CNTNAP2: variants seen among roughly 807,000 people sequenced by gnomAD.
CNTNAP2 encodes contactin-associated protein-like 2.
In CNTNAP2, 98 loss-of-function variants were observed where a neutral mutation model predicts 155.2. The ratio of observed to expected loss-of-function variants is 0.63; its 90% CI spans 0.54 to 0.75. The LOEUF is 0.75. CNTNAP2 is among the 30% of genes least tolerant of loss of function. CNTNAP2 has a pLI of 0.00. For synonymous variants in CNTNAP2, 651 were observed against 631.2 expected, an observed-to-expected ratio of 1.03 and a Z score of -0.47; for missense variants, 1,727 against 1,688.1, an observed-to-expected ratio of 1.02 and a Z score of -0.40.
At chr7:146,739,074 A>G (rs1033481896) in intron 1 of CNTNAP2, among the ~76,000 whole-genome samples, 2 of 151,768 alleles carry the variant, frequency 1.3e-5, no homozygotes, top group African/African-American at 2.4e-5. Context: ...TATCTTTCTA[A>G]AAAAATCAAC....
At chr7:146,167,300 T>C (rs1798326378) in intron 1 of CNTNAP2, among the ~76,000 whole-genome samples, 1 of 152,168 alleles carries the variant, frequency 6.6e-6, no homozygotes, top group South Asian at 2.1e-4. Context: ...AGTGGACCCA[T>C]GTTAAGCTAT....
chr7:147,629,160 G>T (rs1167666527), intron 12 of CNTNAP2, among the ~76,000 whole-genome samples: 1 of 152,006 alleles, frequency 6.6e-6, no homozygotes, highest in Non-Finnish European at 1.5e-5. Context: ...CCAGCACTTT[G>T]GGAGGCTGAG....
At chr7:146,608,520 T>G (rs1799083468) in intron 1 of CNTNAP2, among the ~76,000 whole-genome samples, 1 of 152,190 alleles carries the variant, frequency 6.6e-6, no homozygotes, top group African/African-American at 2.4e-5. Flanking sequence ...CAAATTCCTT[T>G]GTATAAAGTA....
rs761138332 is a variant in CNTNAP2 at position 148,420,907 on chromosome 7, T to C, written c.*5291T>C. On this transcript the variant is annotated 3_prime_UTR_variant, in exon 24 of 24. Coordinates refer to ENST00000361727, the MANE Select transcript of CNTNAP2 (RefSeq NM_014141.6). ...AAGGAAATTATGTACGTATGCCTAA[T>C]ATTCTTTGTGAATGTCTTTCATTTA... The C allele has an allele frequency of 1.3e-5, 2 of 152,662 alleles. No individual in the cohort carries two copies. Among genetic ancestry groups the C allele is most frequent in the African/African-American group, 2.4e-5 (1 of 41,456 alleles). The allele number at this position is 152,662 out of a possible 1,614,324, so 9.5% of individuals were successfully genotyped here.
intron 21 of CNTNAP2, among the ~76,000 whole-genome samples, chr7:148,291,951 T>A (rs996559860): frequency 6.6e-6 from 1 of 152,162 alleles, no homozygotes; most frequent in Non-Finnish European, 1.5e-5. Flanking sequence ...TTAATTTCAT[T>A]TCATTCTGTT....
chr7:147,086,974 G>C (rs1392569119), intron 4 of CNTNAP2, among the ~76,000 whole-genome samples: 2 of 152,130 alleles, frequency 1.3e-5, no homozygotes, highest in Non-Finnish European at 2.9e-5. Context: ...TGCCTCTATT[G>C]TGCTTAGAGA....
chr7:147,088,711 A>T (rs1409333037), intron 4 of CNTNAP2, among the ~76,000 whole-genome samples: 2 of 152,178 alleles, frequency 1.3e-5, no homozygotes, highest in African/African-American at 2.4e-5. Flanking sequence ...TTGGAAGGCC[A>T]AGGCAGGAAA....
At chr7:146,699,776 T>C (rs569973880) in intron 1 of CNTNAP2, among the ~76,000 whole-genome samples, 78 of 152,104 alleles carry the variant, frequency 5.1e-4, no homozygotes, top group South Asian at 4.2e-3. Context: ...GAGACCAGCC[T>C]GGCCAACACA....
intron 14 of CNTNAP2, among the ~76,000 whole-genome samples, chr7:147,930,033 C>A (rs1800469069): frequency 6.6e-6 from 1 of 152,144 alleles, no homozygotes; most frequent in African/African-American, 2.4e-5. Context: ...GCCTCACCTC[C>A]TGCTGCATGG....
intron 18 of CNTNAP2, among the ~76,000 whole-genome samples, chr7:148,177,076 A>G (rs1794949886): frequency 6.6e-6 from 1 of 152,204 alleles, no homozygotes; most frequent in African/African-American, 2.4e-5. Flanking sequence ...TGTTTAAGCA[A>G]GAGAGAAAAT....
At chr7:147,437,610 G>A (rs1797572868) in intron 10 of CNTNAP2, among the ~76,000 whole-genome samples, 1 of 152,120 alleles carries the variant, frequency 6.6e-6, no homozygotes, top group Non-Finnish European at 1.5e-5. Flanking sequence ...TAGCTCTGTA[G>A]TATAATTTAA....
intron 21 of CNTNAP2, among the ~76,000 whole-genome samples, chr7:148,350,686 T>C (rs1182918120): frequency 6.6e-6 from 1 of 152,210 alleles, no homozygotes; most frequent in Admixed American, 6.5e-5. Flanking sequence ...ACAGATCGAG[T>C]TTATTTCTTG....
At chr7:146,534,249 G>C (rs1364825040) in intron 1 of CNTNAP2, among the ~76,000 whole-genome samples, 1 of 152,010 alleles carries the variant, frequency 6.6e-6, no homozygotes, top group Non-Finnish European at 1.5e-5. Context: ...TTTTTCTGTG[G>C]ATACTTTCTC....
intron 1 of CNTNAP2, among the ~76,000 whole-genome samples, chr7:146,490,856 G>T (rs934330421): frequency 2.6e-5 from 4 of 152,016 alleles, no homozygotes; most frequent in African/African-American, 4.8e-5. Context: ...ATCTATCATG[G>T]GAATGTAGTA....
At chr7:146,635,061 G>A (rs931179605) in intron 1 of CNTNAP2, among the ~76,000 whole-genome samples, 2 of 152,026 alleles carry the variant, frequency 1.3e-5, no homozygotes, top group African/African-American at 2.4e-5. Flanking sequence ...GGAAATCAGA[G>A]ATTTAATCTC....
chr7:146,401,936 G>C (rs759230390), intron 1 of CNTNAP2, among the ~76,000 whole-genome samples: 1 of 152,026 alleles, frequency 6.6e-6, no homozygotes, highest in South Asian at 2.1e-4. Flanking sequence ...TGGTATTTAA[G>C]AAATATATTT....
intron 1 of CNTNAP2, among the ~76,000 whole-genome samples, chr7:146,594,043 A>G (rs1178817448): frequency 1.3e-5 from 2 of 152,160 alleles, no homozygotes; most frequent in African/African-American, 4.8e-5. Flanking sequence ...GTCTTCAGCA[A>G]GAATCCTCAT....
intron 14 of CNTNAP2, among the ~76,000 whole-genome samples, chr7:147,970,019 T>G (rs1801306588): frequency 6.6e-6 from 1 of 151,968 alleles, no homozygotes; most frequent in Non-Finnish European, 1.5e-5. Context: ...AGCCTCAACC[T>G]CCTGGGCTCA....
intron 15 of CNTNAP2, among the ~76,000 whole-genome samples, chr7:148,099,295 A>G (rs1036526050): frequency 3.3e-5 from 5 of 152,200 alleles, no homozygotes; most frequent in Admixed American, 6.5e-5. Context: ...TAATAATGCC[A>G]TTATCATAGA....
Sources: gnomAD v4.1 joint callset for allele counts (sites outside exome capture counted in the v4.1 genomes callset) on GRCh38, gnomAD v4.1.1 for gene constraint, MANE v1.5 for transcripts, NCBI Gene and HGNC (gene_info 2026-07-23, HGNC 2026-07-21) for gene names.